FLRT1: variants seen among roughly 807,000 people sequenced by gnomAD.
FLRT1 encodes the protein fibronectin leucine rich transmembrane protein 1.
Under a neutral mutation model 30.9 loss-of-function variants are expected in FLRT1, and 14 were observed. The ratio of observed to expected loss-of-function variants is 0.45; its 90% CI spans 0.30 to 0.71. The LOEUF (loss-of-function observed/expected upper bound fraction) is 0.71, where lower values mean the gene tolerates loss of function less well. Ranked by LOEUF, FLRT1 falls within the 30% of genes least tolerant of loss-of-function variation. The pLI is 0.08. For missense variants in FLRT1, 737 were observed against 949.2 expected, an observed-to-expected ratio of 0.78 and a Z score of 2.94; for synonymous variants, 368 against 430.4, an observed-to-expected ratio of 0.85 and a Z score of 1.80.
At chr11:64,072,079 C>T (rs1211619263) in intron 1 of FLRT1, among the ~76,000 whole-genome samples, 2 of 152,188 alleles carry the variant, frequency 1.3e-5, no homozygotes, top group African/African-American at 4.8e-5. Context: ...GATGTGAGCC[C>T]GAATCGAATC....
chr11:64,042,344 G>C (rs1943503615), intron 1 of FLRT1, among the ~76,000 whole-genome samples: 1 of 152,156 alleles, frequency 6.6e-6, no homozygotes, highest in Non-Finnish European at 1.5e-5. Context: ...TTCCCGTGCA[G>C]TCCCCTGCCC....
intron 1 of FLRT1, among the ~76,000 whole-genome samples, chr11:64,044,153 C>G (rs573029995): frequency 6.6e-6 from 1 of 152,208 alleles, no homozygotes; most frequent in Non-Finnish European, 1.5e-5. Context: ...TCGTAACCCC[C>G]TCAGCCTACA....
chr11:64,086,235 A>G (rs1254357014), intron 1 of FLRT1, among the ~76,000 whole-genome samples: 2 of 152,166 alleles, frequency 1.3e-5, no homozygotes, highest in Admixed American at 6.5e-5. Context: ...ACCCTGCCCC[A>G]GGTCTTGCAT....
chr11:64,116,299 C>A lies in FLRT1; in HGVS notation c.32C>A (p.Thr11Asn). 1.2e-6 allele frequency: 2 copies of A among 1,605,212 alleles called. No individual in the cohort carries two copies. The highest frequency in any genetic ancestry group is 1.7e-6 in the Non-Finnish European group (2 of 1,177,846). Residue 11 changes from threonine (T) to asparagine (N), a missense_variant, in exon 3 of 3, where the codon ACC becomes AAC. Physicochemically the swap from Thr to Asn is moderately conservative, Grantham distance 65. Coordinates refer to ENST00000682287, the MANE Select transcript of FLRT1 (RefSeq NM_013280.5). ...GTGGCACACCCCACCGCCACTGCCACCACCACGCCCACTGCCACTGTCACG... is the reference window on the plus strand; with the variant it reads ...GTGGCACACCCCACCGCCACTGCCAACACCACGCCCACTGCCACTGTCACG... Reference protein sequence around the residue: MVVAHPTATATTTPTATVTAT... With the variant: MVVAHPTATANTTPTATVTAT...
intron 1 of FLRT1, among the ~76,000 whole-genome samples, chr11:64,057,159 C>T (rs1943801646): frequency 2.0e-5 from 3 of 152,330 alleles, no homozygotes; most frequent in Admixed American, 1.3e-4. Flanking sequence ...CCCTGTGCCA[C>T]TTTAGGCCAC....
At chr11:64,083,917 G>A (rs527400949) in intron 1 of FLRT1, among the ~76,000 whole-genome samples, 50 of 152,348 alleles carry the variant, frequency 3.3e-4, no homozygotes, top group Non-Finnish European at 5.7e-4. Context: ...GGCCGGCCCC[G>A]TGGGCAGGGG....
intron 1 of FLRT1, among the ~76,000 whole-genome samples, chr11:64,095,828 G>A (rs1190592007): frequency 1.3e-5 from 2 of 152,234 alleles, no homozygotes; most frequent in Non-Finnish European, 2.9e-5. Flanking sequence ...CCAAGTCAGG[G>A]GTTGAGACCT....
intron 1 of FLRT1, among the ~76,000 whole-genome samples, chr11:64,095,953 G>A (rs1944568633): frequency 7.0e-6 from 1 of 142,036 alleles, no homozygotes; most frequent in Non-Finnish European, 1.5e-5. Flanking sequence ...TTTCTCCCTG[G>A]GGAGTCTCCA....
intron 2 of FLRT1, among the ~76,000 whole-genome samples, chr11:64,114,256 G>GTGGA (rs1555025643): frequency 1.6e-4 from 22 of 138,026 alleles, no homozygotes; most frequent in South Asian, 4.9e-4. Context: ...GGATGGTTAG[G>GTGGA]TGGATGGATG....
intron 1 of FLRT1, among the ~76,000 whole-genome samples, chr11:64,038,178 G>A (rs951250655): frequency 6.6e-6 from 1 of 152,168 alleles, no homozygotes; most frequent in Non-Finnish European, 1.5e-5. Flanking sequence ...ATGGGGAGGG[G>A]GTGCTGCCAT....
chr11:64,084,745 C>T (rs924659270), intron 1 of FLRT1, among the ~76,000 whole-genome samples: 15 of 152,184 alleles, frequency 9.9e-5, no homozygotes, highest in African/African-American at 3.1e-4. Flanking sequence ...GGCCACACCT[C>T]GTGCCTTGGT....
In FLRT1 at chr11:64,040,904, G is replaced by A. The variant is rs148126810; in HGVS notation, c.-1038+4745G>A. 1.3e-3 allele frequency among the ~76,000 whole-genome samples: 201 copies of A among 152,182 alleles called. 1 individual carries two copies. In the Middle Eastern group the frequency reaches 0.027, roughly 21 times the overall value. On this transcript the variant is annotated intron_variant, in intron 1 of 2. Transcript: ENST00000682287. ...AGACCGCAGGACCCAGGCATCCGAC[G>A]TCCGGCCAGGCCCCAGGTGTGGCAG...
Position 64,082,625 on chromosome 11 carries a change from G to GGC in FLRT1, c.-1037-20568_-1037-20567dup, listed in dbSNP as rs1418489205. Among the ~76,000 whole-genome samples the GGC allele has an allele frequency of 1.3e-5, 2 of 152,098 alleles. No homozygotes were observed. The highest frequency in any genetic ancestry group is 2.4e-5 in the African/African-American group (1 of 41,412). On this transcript the variant is annotated intron_variant, in intron 1 of 2. Transcript: ENST00000682287. The surrounding 1 kb of genome is among the most constrained non-coding windows in gnomAD (Gnocchi z 4.5). ...GCTGAAGACGGAACCTCTGAGTGCA[G>GGC]GCACCAGGTGGGAGGGTGGGGACCC...
rs564166185 is a variant in FLRT1, at chr11:64,076,056, T to A, written c.-1037-27138T>A. On this transcript the variant is annotated intron_variant, in intron 1 of 2. Transcript: ENST00000682287. ...CCAAGTCGCTCTCTCAATCCCTCCTTCCCACAGCCTCCTGGTGGATCCAGC... is the reference window on the plus strand; with the variant it reads ...CCAAGTCGCTCTCTCAATCCCTCCTACCCACAGCCTCCTGGTGGATCCAGC... Among the ~76,000 whole-genome samples, 66 of 152,274 alleles carry A rather than the reference T, an allele frequency of 4.3e-4. No individual in the cohort carries two copies. In the South Asian group the frequency reaches 0.013, roughly 31 times the overall value.
intron 1 of FLRT1, among the ~76,000 whole-genome samples, chr11:64,100,666 C>T (rs150720434): frequency 1.7e-4 from 26 of 152,306 alleles, no homozygotes; most frequent in African/African-American, 5.5e-4. Flanking sequence ...CATCATTATG[C>T]GCCCACACAA....
At chr11:64,099,783 G>C (rs141580120) in intron 1 of FLRT1, among the ~76,000 whole-genome samples, 90 of 151,882 alleles carry the variant, frequency 5.9e-4, no homozygotes, top group Non-Finnish European at 1.0e-3. Flanking sequence ...TAGGTGAATG[G>C]AGAAATGAGA....
At chr11:64,060,436 G>T (rs1441597727) in intron 1 of FLRT1, 1 of 152,248 alleles carries the variant, frequency 6.6e-6, no homozygotes. Context: ...GCAGGTGCGG[G>T]AGGCATGTGG....
intron 1 of FLRT1, among the ~76,000 whole-genome samples, chr11:64,094,543 C>T (rs1944543968): frequency 6.6e-6 from 1 of 152,186 alleles, no homozygotes; most frequent in Non-Finnish European, 1.5e-5. Flanking sequence ...ATGGCAGGCT[C>T]CTGGAGTGAA....
At chr11:64,115,304 C>T (rs1313844083) in intron 2 of FLRT1, among the ~76,000 whole-genome samples, 1 of 151,998 alleles carries the variant, frequency 6.6e-6, no homozygotes, top group Non-Finnish European at 1.5e-5. Flanking sequence ...ACCTTGCAGC[C>T]AATTCCCTCA....
Sources: gnomAD v4.1 joint callset for allele counts (sites outside exome capture counted in the v4.1 genomes callset) on GRCh38, gnomAD v4.1.1 for gene constraint, Gnocchi (gnomAD v3.1) non-coding constraint, MANE v1.5 for transcripts, NCBI Gene and HGNC (gene_info 2026-07-23, HGNC 2026-07-21) for gene names.